ACCSL: variants seen among roughly 807,000 people sequenced by gnomAD.
The protein encoded by ACCSL is 1-aminocyclopropane-1-carboxylate synthase homolog (inactive) like, also known as probable inactive 1-aminocyclopropane-1-carboxylate synthase-like protein 2.
In ACCSL, 55 loss-of-function variants were observed where a neutral mutation model predicts 61.7. The ratio of observed to expected loss-of-function variants is 0.89; its 90% CI spans 0.72 to 1.12. The LOEUF is 1.12. Among genes scored for constraint, ACCSL ranks in the 50% most tolerant of loss-of-function variants. The pLI is 0.00. For missense variants in ACCSL, 632 were observed against 698.0 expected, an observed-to-expected ratio of 0.91 and a Z score of 1.07; for synonymous variants, 258 against 264.3, an observed-to-expected ratio of 0.98 and a Z score of 0.23.
chr11:43,934,725 C>A, the ACCSL span, among the ~76,000 whole-genome samples: 1 of 152,090 alleles, frequency 6.6e-6, no homozygotes, highest in Non-Finnish European at 1.5e-5. Context: ...TCCTGCCTAC[C>A]CCCCAGGGAA....
chr11:44,054,454 TTTTTTG>T (rs565398939), intron 8 of ACCSL, among the ~76,000 whole-genome samples: 3,228 of 150,800 alleles, frequency 0.021, 91 homozygotes, highest in African/African-American at 0.068. Flanking sequence ...TTTCTTTTTT[TTTTTTG>T]TTTTTTGTTT....
At chr11:44,042,232 A>G in the ACCSL span, among the ~76,000 whole-genome samples, 2 of 152,186 alleles carry the variant, frequency 1.3e-5, no homozygotes, top group Non-Finnish European at 2.9e-5. Context: ...CATTGGAGTA[A>G]TATACTCCTT....
At chr11:44,034,743 T>G in the ACCSL span, among the ~76,000 whole-genome samples, 1 of 152,158 alleles carries the variant, frequency 6.6e-6, no homozygotes, top group Admixed American at 6.5e-5. Context: ...AGATGAGATT[T>G]GGGTGGGGAC....
the ACCSL span, chr11:43,944,086 A>C: frequency 2.8e-6 from 1 of 352,614 alleles, no homozygotes; most frequent in East Asian, 7.6e-5. Flanking sequence ...CCCCCGGTCC[A>C]GTGTGCTCCT....
At chr11:44,018,008 G>A in the ACCSL span, among the ~76,000 whole-genome samples, 1 of 152,112 alleles carries the variant, frequency 6.6e-6, no homozygotes, top group African/African-American at 2.4e-5. Flanking sequence ...GCGTCTCCTG[G>A]GAGAACTGTT....
the ACCSL span, among the ~76,000 whole-genome samples, chr11:43,978,270 A>G: frequency 6.6e-6 from 1 of 152,012 alleles, no homozygotes; most frequent in Non-Finnish European, 1.5e-5. Flanking sequence ...TTGGCCTCCC[A>G]AAGTGCTGGG....
the ACCSL span, among the ~76,000 whole-genome samples, chr11:44,032,816 A>T: frequency 1.3e-5 from 2 of 152,106 alleles, no homozygotes; most frequent in South Asian, 2.1e-4. Flanking sequence ...CCTGCCAAGA[A>T]TTTTCCCAGT....
chr11:43,934,330 T>C, the ACCSL span, among the ~76,000 whole-genome samples: 1 of 151,770 alleles, frequency 6.6e-6, no homozygotes, highest in East Asian at 1.9e-4. Flanking sequence ...GGGGGTGGAG[T>C]GCGCACCAGT....
At chr11:43,942,819 C>G in the ACCSL span, 1 of 1,016,032 alleles carries the variant, frequency 9.8e-7, no homozygotes, top group Admixed American at 5.2e-5. Context: ...CCCCCGGCTG[C>G]TGCCTCCCGG....
the ACCSL span, among the ~76,000 whole-genome samples, chr11:43,977,890 A>G: frequency 1.4e-4 from 22 of 152,110 alleles, no homozygotes; most frequent in Non-Finnish European, 1.9e-4. Flanking sequence ...GTAAGATGGG[A>G]CATCATGCTT....
chr11:44,053,317 G>T (rs1475514858), intron 7 of ACCSL, 89 bp from the exon 8 acceptor site: 13 of 1,321,134 alleles, frequency 9.8e-6, no homozygotes, highest in Non-Finnish European at 1.3e-5. Flanking sequence ...AGGCCTTTTT[G>T]GGTGCCTAAC....
the ACCSL span, among the ~76,000 whole-genome samples, chr11:43,983,572 C>T: frequency 6.6e-6 from 1 of 152,136 alleles, no homozygotes; most frequent in Non-Finnish European, 1.5e-5. Flanking sequence ...TTCTAAGGAA[C>T]GCACTGAACA....
At chr11:43,929,630 C>A in the ACCSL span, among the ~76,000 whole-genome samples, 7 of 152,284 alleles carry the variant, frequency 4.6e-5, no homozygotes, top group South Asian at 1.2e-3. Flanking sequence ...TGGTCTAGAA[C>A]TCCTGACCTC....
the ACCSL span, among the ~76,000 whole-genome samples, chr11:44,025,574 G>C: frequency 7.2e-5 from 11 of 151,896 alleles, no homozygotes; most frequent in Non-Finnish European, 1.2e-4. Flanking sequence ...AAATCAGATA[G>C]TAAAATAAGA....
At chr11:44,052,260 C>T (rs1041770124) in intron 5 of ACCSL, among the ~76,000 whole-genome samples, 1 of 152,230 alleles carries the variant, frequency 6.6e-6, no homozygotes, top group African/African-American at 2.4e-5. Context: ...AAGAAAAGAA[C>T]GTGAGATCAC....
the ACCSL span, among the ~76,000 whole-genome samples, chr11:43,940,559 AC>A: frequency 6.7e-6 from 1 of 150,088 alleles, no homozygotes; most frequent in African/African-American, 2.5e-5. Flanking sequence ...ACGGGGTTTC[AC>A]CGTGTTAGCC....
chr11:44,029,969 TTTTTA>T, the ACCSL span, among the ~76,000 whole-genome samples: 29,951 of 93,984 alleles, frequency 0.32, 5,473 homozygotes, highest in East Asian at 0.4. Flanking sequence ...CTGGGCCTTG[TTTTTA>T]TTTTATTTTA....
At chr11:43,931,234 G>A in the ACCSL span, among the ~76,000 whole-genome samples, 1 of 152,236 alleles carries the variant, frequency 6.6e-6, no homozygotes, top group Non-Finnish European at 1.5e-5. Context: ...GAAGCCGCCT[G>A]CTGGGGCGTC....
chr11:44,000,439 A>T, the ACCSL span, among the ~76,000 whole-genome samples: 14 of 55,694 alleles, frequency 2.5e-4, no homozygotes, highest in South Asian at 8.0e-4. Context: ...TCTCTATTTT[A>T]AAAAAAAAAA....
Sources: gnomAD v4.1 joint callset for allele counts (sites outside exome capture counted in the v4.1 genomes callset) on GRCh38, gnomAD v4.1.1 for gene constraint, MANE v1.5 for transcripts, NCBI Gene and HGNC (gene_info 2026-07-23, HGNC 2026-07-21) for gene names.